The following COG2 variants were observed in gnomAD, a reference collection of about 807,000 sequenced individuals.
COG2 encodes component of oligomeric golgi complex 2, also known as conserved oligomeric Golgi complex subunit 2.
A neutral mutation model predicts 90.6 loss-of-function variants in COG2; 52 were observed. The observed-to-expected ratio is 0.57, with a 90% CI of 0.46 to 0.72. COG2 has a LOEUF of 0.72. Among genes scored for constraint, COG2 ranks in the 30% least tolerant of loss-of-function variants. The pLI, the probability that COG2 is intolerant of heterozygous loss-of-function variation, is 0.00. For missense variants in COG2, 829 were observed against 891.2 expected (o/e 0.93, Z 0.89); for synonymous variants, 337 against 320.4 (o/e 1.05, Z -0.55).
At chr1:230,681,780 C>T (rs955561403) in intron 10 of COG2, 9 of 152,210 alleles carry the variant, frequency 5.9e-5, no homozygotes, top group Non-Finnish European at 1.0e-4. Context: ...TCTGTTGCTT[C>T]ATTCCTGGAA....
At chr1:230,646,123 G>C (rs1661770455) in intron 1 of COG2, among the ~76,000 whole-genome samples, 1 of 152,078 alleles carries the variant, frequency 6.6e-6, no homozygotes, top group Admixed American at 6.5e-5. Context: ...TCCTATTTTA[G>C]TTTCTTCTAC....
rs781111326 is a variant in COG2, at chr1:230,687,129, G to A, written c.1575G>A (p.Glu525=). ...TTGCAGACCTGGACAAGCTTCAGGAGCAGGTAAGCCTGTGTCCCAGAATAA... is the reference window on the plus strand; with the variant it reads ...TTGCAGACCTGGACAAGCTTCAGGAACAGGTAAGCCTGTGTCCCAGAATAA... The part of the protein sequence containing the change: ...YVVADLDKLQ[E]QLPELLEIIK... Residue 525 remains glutamate, a synonymous_variant, in exon 13 of 18, where the codon GAG becomes GAA. Transcript: ENST00000366669. 4 of 1,609,622 alleles carry A rather than the reference G, an allele frequency of 2.5e-6. No homozygotes were observed. The highest frequency in any genetic ancestry group is 2.2e-5 in the South Asian group (2 of 90,062).
At chr1:230,674,881 T>A (rs780820395) in intron 8 of COG2, 117 bp from the exon 9 acceptor site, 40 of 782,228 alleles carry the variant, frequency 5.1e-5, no homozygotes, top group African/African-American at 3.2e-4. Flanking sequence ...ACGGTTTTTT[T>A]AAAAAGTTGA....
chr1:230,671,492 A>T, intron 7 of COG2, 24 bp from the exon 8 acceptor site: 1 of 1,589,948 alleles, frequency 6.3e-7, no homozygotes, highest in Non-Finnish European at 8.5e-7. Context: ...ATGCTTTTTT[A>T]AAAAATGATT....
chr1:230,686,038 TG>T (rs1322859702), intron 12 of COG2, among the ~76,000 whole-genome samples: 1 of 152,274 alleles, frequency 6.6e-6, no homozygotes, highest in Non-Finnish European at 1.5e-5. Flanking sequence ...TGTATTTTAA[TG>T]GAAAGAGTGT....
chr1:230,646,054 C>T (rs1450792030), intron 1 of COG2, among the ~76,000 whole-genome samples: 1 of 152,122 alleles, frequency 6.6e-6, no homozygotes, highest in Non-Finnish European at 1.5e-5. Context: ...CCTCTCCCTT[C>T]TCAGGACCCT....
At chr1:230,672,031 A>G (rs1293566509) in intron 8 of COG2, among the ~76,000 whole-genome samples, 1 of 151,952 alleles carries the variant, frequency 6.6e-6, no homozygotes, top group Non-Finnish European at 1.5e-5. Context: ...CTCATCTTCA[A>G]TTTTTCCTCC....
chr1:230,678,891 T>A, intron 9 of COG2, 22 bp from the exon 10 acceptor site: 1 of 1,604,544 alleles, frequency 6.2e-7, no homozygotes. Context: ...ATAATGAAAA[T>A]TTTCCTTTTG....
At chr1:230,659,660 T>TA in intron 2 of COG2, 35 bp downstream of exon 2, 2 of 1,591,050 alleles carry the variant, frequency 1.3e-6, no homozygotes, top group Non-Finnish European at 1.7e-6. Flanking sequence ...TTTACATACA[T>TA]ACAATTTCTT....
chr1:230,675,174 G>A, intron 9 of COG2, 50 bp downstream of exon 9: 1 of 1,571,918 alleles, frequency 6.4e-7, no homozygotes, highest in Non-Finnish European at 8.6e-7. Flanking sequence ...ACCGGAGACT[G>A]GAGAAATATC....
intron 1 of COG2, 58 bp downstream of exon 1, chr1:230,642,736 C>T (rs534195774): frequency 1.3e-6 from 2 of 1,538,998 alleles, no homozygotes; most frequent in Non-Finnish European, 1.8e-6. Context: ...GCCCTGTGCC[C>T]TCTGTGGCGG....
At chr1:230,661,559 T>A (rs971673611) in intron 3 of COG2, 1 of 152,346 alleles carries the variant, frequency 6.6e-6, no homozygotes, top group African/African-American at 2.4e-5. Flanking sequence ...ATTACCTGTG[T>A]ATGTCACCAT....
rs372150245 is a variant in COG2, at chr1:230,693,260, A to C, written c.2116-32A>C. 9 of 1,248,380 alleles carry C rather than the reference A, an allele frequency of 7.2e-6. No individual in the cohort carries two copies. In the East Asian group the frequency reaches 1.2e-4, roughly 16 times the overall value. 77.3% of individuals were successfully genotyped at this position (1,248,380 alleles called of 1,614,324 possible). ...CCCCCCCATATTCAGCTTGAATTGCAGTAACATAATTCATTCTCATGGCCT... is the reference window on the plus strand; with the variant it reads ...CCCCCCCATATTCAGCTTGAATTGCCGTAACATAATTCATTCTCATGGCCT... On this transcript the variant is annotated intron_variant, in intron 17 of 17. Coordinates refer to ENST00000366669, the MANE Select transcript of COG2 (RefSeq NM_007357.3).
rs938493059 is a variant in COG2 at position 230,663,277 on chromosome 1, A to G, written c.381+56A>G. On this transcript the variant is annotated intron_variant, in intron 4 of 17. Transcript: ENST00000366669. ...TGATTCACTGTAGCACCTTGTAGTA[A>G]CAAGCACTTTCAGGCATATGGTCTG... 4 of 1,396,012 alleles carry G rather than the reference A, an allele frequency of 2.9e-6. No individual in the cohort carries two copies. The African/African-American group carries it at 5.7e-5, about 20-fold the overall frequency. 86.5% of individuals were successfully genotyped at this position (1,396,012 alleles called of 1,614,324 possible). A position where few individuals can be genotyped will look rare whatever the true frequency, so the allele number is the denominator to read the frequency against.
At chr1:230,671,129 T>G (rs1459281291) in intron 7 of COG2, 1 of 152,968 alleles carries the variant, frequency 6.5e-6, no homozygotes, top group Non-Finnish European at 1.5e-5. Context: ...TGTCTTTCTC[T>G]GCCTCAAACC....
chr1:230,661,793 A>G (rs551565708), intron 3 of COG2, among the ~76,000 whole-genome samples: 24 of 152,328 alleles, frequency 1.6e-4, no homozygotes, highest in African/African-American at 4.1e-4. Context: ...TGAACTAGCA[A>G]ATATTTTCAA....
At chr1:230,652,297 C>G (rs1040181239) in intron 1 of COG2, among the ~76,000 whole-genome samples, 1 of 152,150 alleles carries the variant, frequency 6.6e-6, no homozygotes, top group African/African-American at 2.4e-5. Flanking sequence ...CAGTAGGAAT[C>G]ATACAGTATA....
chr1:230,691,590 C>T, intron 17 of COG2, 26 bp downstream of exon 17: 1 of 1,590,502 alleles, frequency 6.3e-7, no homozygotes, highest in Non-Finnish European at 8.6e-7. Context: ...CCGGCAGCTC[C>T]AGCGAGCCTG....
At position 230,664,514 on chromosome 1, in the gene COG2, C is replaced by T. The variant is rs748137002; in HGVS notation, c.412C>T (p.Arg138Trp). 29 of 1,563,580 alleles carry T rather than the reference C, an allele frequency of 1.9e-5. No homozygotes were observed. Among genetic ancestry groups the T allele is most frequent in the Admixed American group, 1.3e-4 (7 of 55,144 alleles). Reference protein sequence around the residue: ...MCVLRLIQVIRSVEKIEKILN... With the variant: ...MCVLRLIQVIWSVEKIEKILN... Reference sequence around the variant, plus strand: ...TGTATTGAGGCTTATACAAGTTATTCGGTCAGTTGAGAAAATTGAAAAAAT... The same window carrying T: ...TGTATTGAGGCTTATACAAGTTATTTGGTCAGTTGAGAAAATTGAAAAAAT... Residue 138 changes from arginine to tryptophan, a missense_variant, in exon 5 of 18, where the codon CGG becomes TGG. Transcript: ENST00000366669.
Sources: allele counts gnomAD v4.1 joint callset (sites outside exome capture counted in the v4.1 genomes callset), GRCh38; gene constraint gnomAD v4.1.1; transcripts MANE v1.5; gene names NCBI Gene and HGNC (gene_info 2026-07-23, HGNC 2026-07-21).